PTPN4: variants seen among roughly 807,000 people sequenced by gnomAD.
The protein encoded by PTPN4 is tyrosine-protein phosphatase non-receptor type 4.
PTPN4 carries 49 observed loss-of-function variants against 135.5 expected under a neutral mutation model. That is an observed-to-expected ratio of 0.36 (90% confidence interval 0.29 to 0.46). PTPN4 has a LOEUF of 0.46. Ranked by LOEUF, PTPN4 falls within the 20% of genes least tolerant of loss-of-function variation. The pLI, the probability that PTPN4 is intolerant of heterozygous loss-of-function variation, is 1.00. For missense variants in PTPN4, 860 were observed against 1,101.0 expected (o/e 0.78, Z 3.10); for synonymous variants, 333 against 369.9 (o/e 0.90, Z 1.14).
At chr2:119,797,195 T>G (rs952115061) in intron 1 of PTPN4, among the ~76,000 whole-genome samples, 1 of 152,194 alleles carries the variant, frequency 6.6e-6, no homozygotes, top group Non-Finnish European at 1.5e-5. Context: ...ATAGTTTAAT[T>G]TTGATGATGT....
intron 3 of PTPN4, among the ~76,000 whole-genome samples, chr2:119,865,156 A>G (rs1677813776): frequency 6.6e-6 from 1 of 152,094 alleles, no homozygotes; most frequent in Admixed American, 6.6e-5. Flanking sequence ...TAGAGCACAA[A>G]TCTTATAAAC....
At chr2:119,863,580 T>C (rs1189146890) in intron 3 of PTPN4, among the ~76,000 whole-genome samples, 3 of 152,240 alleles carry the variant, frequency 2.0e-5, no homozygotes, top group Admixed American at 2.0e-4. Context: ...TTTTTCTTCC[T>C]CTCTCTCATG....
intron 1 of PTPN4, among the ~76,000 whole-genome samples, chr2:119,766,955 G>C (rs1690641060): frequency 6.6e-6 from 1 of 152,186 alleles, no homozygotes; most frequent in South Asian, 2.1e-4. Context: ...AGTGAGCCAG[G>C]TATTTTGCTA....
intron 11 of PTPN4, 38 bp downstream of exon 11, chr2:119,915,280 C>A (rs753120593): frequency 2.7e-6 from 4 of 1,463,746 alleles, no homozygotes; most frequent in South Asian, 2.6e-5. Context: ...ATAAATGAAG[C>A]CTTTTAAGAA....
intron 3 of PTPN4, among the ~76,000 whole-genome samples, chr2:119,871,773 T>C (rs1443970900): frequency 6.6e-6 from 1 of 152,186 alleles, no homozygotes; most frequent in Admixed American, 6.5e-5. Flanking sequence ...AATTTTATTA[T>C]AGAAAACAAA....
At chr2:119,852,277 G>A (rs1057507171) in intron 2 of PTPN4, among the ~76,000 whole-genome samples, 7 of 152,148 alleles carry the variant, frequency 4.6e-5, no homozygotes, top group African/African-American at 1.7e-4. Flanking sequence ...AAGCCAACGG[G>A]GATCAGCTTA....
At position 119,982,672 on chromosome 2, in the gene PTPN4, A is replaced by G. The variant is rs1679712372; in HGVS notation, c.*5602A>G. On this transcript the variant is annotated 3_prime_UTR_variant, in exon 27 of 27. Coordinates refer to ENST00000263708, the MANE Select transcript of PTPN4 (RefSeq NM_002830.4). ...GTGAAGGTAATAAATGTGTTGCTGCATGTGTTTACCATAGAGAACGTTGCC... is the reference window on the plus strand; with the variant it reads ...GTGAAGGTAATAAATGTGTTGCTGCGTGTGTTTACCATAGAGAACGTTGCC... The G allele has an allele frequency of 6.6e-6, 1 of 152,162 alleles. No individual in the cohort carries two copies. Among genetic ancestry groups the G allele is most frequent in the African/African-American group, 2.4e-5 (1 of 41,428 alleles). The allele number at this position is 152,162 out of a possible 1,614,324, so 9.4% of individuals were successfully genotyped here.
At chr2:119,817,849 C>T (rs910864711) in intron 2 of PTPN4, among the ~76,000 whole-genome samples, 5 of 152,030 alleles carry the variant, frequency 3.3e-5, no homozygotes, top group South Asian at 2.1e-4. Context: ...TTTGAGCCGT[C>T]GTTTGTAGTT....
intron 10 of PTPN4, among the ~76,000 whole-genome samples, chr2:119,911,352 AAGTC>A (rs756665479): frequency 6.6e-6 from 1 of 152,128 alleles, no homozygotes; most frequent in African/African-American, 2.4e-5. Context: ...TAACATCTGA[AAGTC>A]AGTCAGTATA....
intron 3 of PTPN4, among the ~76,000 whole-genome samples, chr2:119,874,232 T>C (rs916265323): frequency 3.9e-5 from 6 of 152,164 alleles, no homozygotes; most frequent in African/African-American, 1.2e-4. Flanking sequence ...ATATTGGAGA[T>C]GTAAAAGGTA....
At chr2:119,923,625 A>G (rs1678769084) in intron 12 of PTPN4, among the ~76,000 whole-genome samples, 1 of 152,198 alleles carries the variant, frequency 6.6e-6, no homozygotes, top group South Asian at 2.1e-4. Flanking sequence ...AAACCAGGAG[A>G]TAAATCAGAA....
At chr2:119,907,566 C>T (rs1475560110) in intron 10 of PTPN4, among the ~76,000 whole-genome samples, 1 of 152,032 alleles carries the variant, frequency 6.6e-6, no homozygotes, top group East Asian at 1.9e-4. Context: ...GATCATACCA[C>T]TGCACTTCAG....
At chr2:119,915,029 A>G (rs2105025203) in intron 10 of PTPN4, 150 bp from the exon 11 acceptor site, 2 of 607,420 alleles carry the variant, frequency 3.3e-6, no homozygotes, top group Middle Eastern at 5.4e-4. Context: ...ATGAAGCAAG[A>G]AAAACTTTCA....
At chr2:119,865,783 T>A (rs953114398) in intron 3 of PTPN4, among the ~76,000 whole-genome samples, 6 of 152,106 alleles carry the variant, frequency 3.9e-5, no homozygotes, top group African/African-American at 1.4e-4. Context: ...ATGTGTATTT[T>A]TATATATTAG....
chr2:119,770,369 T>C (rs1309945066), intron 1 of PTPN4, among the ~76,000 whole-genome samples: 1 of 152,238 alleles, frequency 6.6e-6, no homozygotes, highest in Non-Finnish European at 1.5e-5. Flanking sequence ...ATTTAAATTG[T>C]ATTTTCGTAT....
At chr2:119,957,852 C>T (rs893471202) in intron 22 of PTPN4, among the ~76,000 whole-genome samples, 17 of 152,062 alleles carry the variant, frequency 1.1e-4, no homozygotes, top group African/African-American at 4.1e-4. Context: ...ACTCTTGATG[C>T]CAACATGTAT....
At chr2:119,967,546 T>C (rs1037960638) in intron 25 of PTPN4, among the ~76,000 whole-genome samples, 6 of 152,176 alleles carry the variant, frequency 3.9e-5, no homozygotes, top group African/African-American at 1.4e-4. Context: ...TTTTAAGGAG[T>C]TGCTCCAGTA....
intron 2 of PTPN4, among the ~76,000 whole-genome samples, chr2:119,852,051 T>A (rs1677599881): frequency 6.6e-6 from 1 of 152,242 alleles, no homozygotes; most frequent in Admixed American, 6.5e-5. Flanking sequence ...TTCTCAAATT[T>A]ATGCTTAATA....
intron 1 of PTPN4, among the ~76,000 whole-genome samples, chr2:119,765,052 C>T (rs1690585672): frequency 1.3e-5 from 2 of 152,066 alleles, no homozygotes. Flanking sequence ...GGAGTCAAAT[C>T]TGGTGTGGAA....
Sources: gnomAD v4.1 joint callset for allele counts (sites outside exome capture counted in the v4.1 genomes callset) on GRCh38, gnomAD v4.1.1 for gene constraint, MANE v1.5 for transcripts, NCBI Gene and HGNC (gene_info 2026-07-23, HGNC 2026-07-21) for gene names.